Variants in SCFD2 observed in about 807,000 individuals in gnomAD.
The protein encoded by SCFD2 is sec1 family domain-containing protein 2.
SCFD2 carries 54 observed loss-of-function variants against 58.9 expected under a neutral mutation model. The ratio of observed to expected loss-of-function variants is 0.92; its 90% CI spans 0.74 to 1.15. SCFD2 has a LOEUF of 1.15. Among genes scored for constraint, SCFD2 ranks in the 50% most tolerant of loss-of-function variants. SCFD2 has a pLI of 0.00. For missense variants in SCFD2, 805 were observed against 836.6 expected (o/e 0.96, Z 0.47); for synonymous variants, 321 against 335.9 (o/e 0.96, Z 0.49).
At chr4:53,204,015 T>A (rs1299988043) in intron 4 of SCFD2, among the ~76,000 whole-genome samples, 3 of 152,118 alleles carry the variant, frequency 2.0e-5, no homozygotes, top group African/African-American at 7.2e-5. Context: ...AGAAGATGCA[T>A]CCAGATCTTT....
chr4:53,229,302 C>T (rs1052501985), intron 4 of SCFD2, among the ~76,000 whole-genome samples: 24 of 152,128 alleles, frequency 1.6e-4, no homozygotes, highest in Non-Finnish European at 4.4e-5. Context: ...AAAAAGAGCC[C>T]ACATTGCCAA....
Position 52,907,442 on chromosome 4 carries a change from C to A in SCFD2, c.1842+15G>T, listed in dbSNP as rs1240759568. 1 of 1,613,180 alleles carries A rather than the reference C, an allele frequency of 6.2e-7. No individual in the cohort carries two copies. The highest frequency in any genetic ancestry group is 1.7e-5 in the Admixed American group (1 of 60,014). ...CATTTCTACACTCAGGATTACCTCT[C>A]CATGGTTACTTTACCTTCATGAACA... On this transcript the variant is annotated intron_variant, in intron 7 of 8. Transcript: ENST00000401642.
At chr4:53,046,721 G>T (rs1723049671) in intron 5 of SCFD2, among the ~76,000 whole-genome samples, 1 of 152,112 alleles carries the variant, frequency 6.6e-6, no homozygotes, top group South Asian at 2.1e-4. Flanking sequence ...AGGCTGGAGT[G>T]CAATGGCATG....
intron 5 of SCFD2, among the ~76,000 whole-genome samples, chr4:53,045,544 T>C (rs1445148811): frequency 1.3e-5 from 2 of 152,150 alleles, no homozygotes; most frequent in Admixed American, 6.5e-5. Flanking sequence ...AAATAGCTTT[T>C]CTTATCCTCT....
chr4:52,928,201 T>C (rs1232533082), intron 5 of SCFD2, among the ~76,000 whole-genome samples: 1 of 152,144 alleles, frequency 6.6e-6, no homozygotes, highest in Non-Finnish European at 1.5e-5. Context: ...GCCAGTGTGG[T>C]GGTGCATACC....
chr4:53,000,340 T>C (rs1243650989), intron 5 of SCFD2, among the ~76,000 whole-genome samples: 1 of 152,144 alleles, frequency 6.6e-6, no homozygotes, highest in Non-Finnish European at 1.5e-5. Context: ...CACATACAAA[T>C]AGAGACTTTC....
chr4:53,270,496 T>A (rs1731128913), intron 4 of SCFD2, among the ~76,000 whole-genome samples: 1 of 152,334 alleles, frequency 6.6e-6, no homozygotes, highest in East Asian at 1.9e-4. Flanking sequence ...AAGGGCCTAG[T>A]ATGCCTGGTC....
intron 4 of SCFD2, among the ~76,000 whole-genome samples, chr4:53,246,401 C>G (rs1730074040): frequency 1.3e-5 from 2 of 152,058 alleles, no homozygotes; most frequent in African/African-American, 4.8e-5. Context: ...GAATCCTAAC[C>G]AAAAAGAACA....
intron 4 of SCFD2, among the ~76,000 whole-genome samples, chr4:53,258,557 T>C (rs1365186799): frequency 7.3e-6 from 1 of 136,124 alleles, no homozygotes; most frequent in African/African-American, 2.7e-5. Flanking sequence ...TATATATATA[T>C]ATATATATAT....
intron 5 of SCFD2, among the ~76,000 whole-genome samples, chr4:52,942,069 C>T (rs541936845): frequency 4.6e-5 from 7 of 152,102 alleles, no homozygotes; most frequent in South Asian, 2.1e-4. Context: ...TTTCACAGGG[C>T]CAAGAGTTTG....
chr4:53,191,173 C>T lies in SCFD2; in HGVS notation c.1312-45591G>A, dbSNP rs191598561. ...GACGAGCCTGGCCAACATGGTGAAA[C>T]CCCCATCTCTACTAAAAATACGAAA... On this transcript the variant is annotated intron_variant, in intron 4 of 8. Coordinates refer to ENST00000401642, the MANE Select transcript of SCFD2 (RefSeq NM_152540.4). Among the ~76,000 whole-genome samples the T allele has an allele frequency of 1.5e-4, 23 of 151,848 alleles. No homozygotes were observed. In the East Asian group the frequency reaches 4.3e-3, roughly 29 times the overall value.
intron 4 of SCFD2, among the ~76,000 whole-genome samples, chr4:53,196,453 AC>A (rs757855290): frequency 6.6e-6 from 1 of 152,118 alleles, no homozygotes; most frequent in African/African-American, 2.4e-5. Flanking sequence ...TCTCCAATGA[AC>A]CCCATGGTTT....
chr4:53,120,153 A>C (rs1725438571), intron 5 of SCFD2, among the ~76,000 whole-genome samples: 1 of 152,234 alleles, frequency 6.6e-6, no homozygotes, highest in Non-Finnish European at 1.5e-5. Flanking sequence ...CTATACCTTA[A>C]ATACACACAG....
At chr4:53,304,634 A>G (rs1732455485) in intron 3 of SCFD2, among the ~76,000 whole-genome samples, 1 of 151,768 alleles carries the variant, frequency 6.6e-6, no homozygotes, top group Non-Finnish European at 1.5e-5. Flanking sequence ...ATACTTGTGT[A>G]TGCTTCATGA....
Position 53,176,228 on chromosome 4 carries a change from G to A in SCFD2, c.1312-30646C>T, listed in dbSNP as rs148928644. Among the ~76,000 whole-genome samples, 14 of 152,258 alleles carry A rather than the reference G, an allele frequency of 9.2e-5. No homozygotes were observed. In the South Asian group the frequency reaches 1.5e-3, roughly 16 times the overall value. On this transcript the variant is annotated intron_variant, in intron 4 of 8. Transcript: ENST00000401642. ...CAAACAACTTCTTTCAAAAGTCTGC[G>A]AATTAAAGTATAAGTAAAACATATT...
intron 1 of SCFD2, among the ~76,000 whole-genome samples, chr4:53,353,621 G>A (rs566435068): frequency 1.3e-5 from 2 of 152,312 alleles, no homozygotes; most frequent in African/African-American, 4.8e-5. Flanking sequence ...ACAGGGTGCT[G>A]ATTGGTGCAT....
At chr4:53,019,309 C>T (rs1339236980) in intron 5 of SCFD2, among the ~76,000 whole-genome samples, 2 of 151,976 alleles carry the variant, frequency 1.3e-5, no homozygotes, top group East Asian at 3.9e-4. Context: ...TGGGAAGTAC[C>T]TTTCATATAA....
At chr4:53,031,732 G>C (rs1245000483) in intron 5 of SCFD2, among the ~76,000 whole-genome samples, 1 of 152,016 alleles carries the variant, frequency 6.6e-6, no homozygotes, top group Non-Finnish European at 1.5e-5. Context: ...GACAAGATTA[G>C]AGAAAAAAAG....
At chr4:53,301,467 C>G (rs538833738) in intron 3 of SCFD2, among the ~76,000 whole-genome samples, 1 of 151,770 alleles carries the variant, frequency 6.6e-6, no homozygotes, top group East Asian at 1.9e-4. Flanking sequence ...AATAGCTTAC[C>G]AACCAAAAAA....
Sources: allele counts gnomAD v4.1 joint callset (sites outside exome capture counted in the v4.1 genomes callset), GRCh38; gene constraint gnomAD v4.1.1; transcripts MANE v1.5; gene names NCBI Gene and HGNC (gene_info 2026-07-23, HGNC 2026-07-21).